The following ST8SIA6 variants were observed in gnomAD, a reference collection of about 807,000 sequenced individuals.
ST8SIA6 encodes the protein ST8 alpha-N-acetyl-neuraminide alpha-2,8-sialyltransferase 6.
In ST8SIA6, 39 loss-of-function variants were observed where a neutral mutation model predicts 33.6. The ratio of observed to expected loss-of-function variants is 1.16; its 90% CI spans 0.90 to 1.52. The LOEUF (loss-of-function observed/expected upper bound fraction) is 1.52. ST8SIA6 is among the 40% of genes most tolerant of loss of function. The probability of loss-of-function intolerance (pLI) is 0.00; values close to 1 mark genes in which losing one functional copy is unlikely to be tolerated. For synonymous variants in ST8SIA6, 172 were observed against 167.2 expected (o/e 1.03, Z -0.22); for missense variants, 441 against 443.8 (o/e 0.99, Z 0.06).
At chr10:17,334,028 T>G (rs1423433418) in intron 4 of ST8SIA6, among the ~76,000 whole-genome samples, 1 of 151,052 alleles carries the variant, frequency 6.6e-6, no homozygotes, top group Non-Finnish European at 1.5e-5. Context: ...GTTTTTTTTT[T>G]TAAATCTCAC....
At chr10:17,367,523 A>G (rs1849593900) in intron 3 of ST8SIA6, among the ~76,000 whole-genome samples, 1 of 152,206 alleles carries the variant, frequency 6.6e-6, no homozygotes, top group African/African-American at 2.4e-5. Flanking sequence ...CTTCACAAAT[A>G]TCTGCAACCT....
At chr10:17,325,261 A>G (rs1372296194) in intron 6 of ST8SIA6, among the ~76,000 whole-genome samples, 1 of 144,644 alleles carries the variant, frequency 6.9e-6, no homozygotes, top group Non-Finnish European at 1.5e-5. Flanking sequence ...ACTATATTAT[A>G]TACTATACAA....
chr10:17,418,820 C>G (rs1048542728), intron 2 of ST8SIA6, among the ~76,000 whole-genome samples: 2 of 151,536 alleles, frequency 1.3e-5, no homozygotes, highest in Non-Finnish European at 2.9e-5. Context: ...TGGCGAAACC[C>G]CGTCTCTACT....
intron 2 of ST8SIA6, among the ~76,000 whole-genome samples, chr10:17,448,508 G>A (rs1009196018): frequency 1.3e-5 from 2 of 152,122 alleles, no homozygotes; most frequent in East Asian, 1.9e-4. Flanking sequence ...TGTGCGGGCC[G>A]TTTCATTAAT....
rs1228292942 is a variant in ST8SIA6, at chr10:17,321,121, T to C, written c.954A>G (p.Ala318=). The change falls in exon 8 of 8, where the codon GCA becomes GCG. Residue 318 remains alanine (A), a synonymous_variant. Transcript: ENST00000377602. ...TCATCAAGCCGGTGGACAAGCGGTA[T>C]GCAGTCACACCTTTAGTTCTCCAGA... The part of the protein sequence containing the change: ...ALFWRTKGVT[A]YRLSTGLMIT... The C allele has an allele frequency of 1.2e-6, 2 of 1,614,004 alleles. No homozygotes were observed. Among genetic ancestry groups the C allele is most frequent in the East Asian group, 2.2e-5 (1 of 44,892 alleles).
intron 2 of ST8SIA6, among the ~76,000 whole-genome samples, chr10:17,438,670 T>C (rs541043943): frequency 7.2e-5 from 11 of 152,310 alleles, no homozygotes; most frequent in African/African-American, 1.9e-4. Flanking sequence ...GCTCTCTTTT[T>C]CCAAAACTCC....
At chr10:17,440,453 GC>G (rs1041980234) in intron 2 of ST8SIA6, among the ~76,000 whole-genome samples, 1 of 152,038 alleles carries the variant, frequency 6.6e-6, no homozygotes, top group African/African-American at 2.4e-5. Context: ...TGATTCACCT[GC>G]CCCGGCCTCC....
Position 17,364,197 on chromosome 10 carries a change from G to T in ST8SIA6, c.291-4597C>A, listed in dbSNP as rs1849485866. On this transcript the variant is annotated intron_variant, in intron 3 of 7. Transcript: ENST00000377602. ...ATCCATGGACAACTGGGAAAAATGT[G>T]CATTGTAGAATATGGATAGTCTTTA... Among the ~76,000 whole-genome samples, 3 of 152,178 alleles carry T rather than the reference G, an allele frequency of 2.0e-5. No homozygotes were observed. In the South Asian group the frequency reaches 6.2e-4, roughly 32 times the overall value.
chr10:17,394,247 G>A (rs536906854), intron 2 of ST8SIA6, among the ~76,000 whole-genome samples: 23 of 151,960 alleles, frequency 1.5e-4, no homozygotes, highest in African/African-American at 4.1e-4. Flanking sequence ...TGAAGGTGAC[G>A]GAATGAAGTC....
Position 17,320,947 on chromosome 10 carries a change from G to T in ST8SIA6, c.1128C>A (p.Tyr376Ter). 6.2e-7 allele frequency: 1 copy of T among 1,614,094 alleles called. No homozygotes were observed. The highest frequency in any genetic ancestry group is 8.5e-7 in the Non-Finnish European group (1 of 1,179,954). ...TCATGTGAAGTTGGAGGATCTGGCT[G>T]TATTCTTTGGGCATCTGATGGAAAC... is the stretch of plus-strand genomic sequence containing the variant. ...KHGFHQMPKE[Y>*]SQILQLHMKG... The change falls in exon 8 of 8, where the codon TAC becomes TAA. Residue 376 changes from tyrosine (Y) to a stop codon, truncating the protein, a stop_gained. Transcript: ENST00000377602. LOFTEE classifies it high-confidence loss of function.
At chr10:17,436,274 G>A (rs1192996482) in intron 2 of ST8SIA6, among the ~76,000 whole-genome samples, 2 of 152,098 alleles carry the variant, frequency 1.3e-5, no homozygotes, top group Non-Finnish European at 2.9e-5. Flanking sequence ...TGTTGTGGGA[G>A]GGTCCCTGGG....
chr10:17,364,801 C>T (rs928984346), intron 3 of ST8SIA6, among the ~76,000 whole-genome samples: 1 of 152,188 alleles, frequency 6.6e-6, no homozygotes, highest in Non-Finnish European at 1.5e-5. Context: ...TAAATCACAT[C>T]ATATTTTCTG....
At chr10:17,336,742 C>T (rs978002064) in intron 4 of ST8SIA6, among the ~76,000 whole-genome samples, 4 of 151,682 alleles carry the variant, frequency 2.6e-5, no homozygotes, top group South Asian at 4.2e-4. Context: ...TACAGGTGCC[C>T]GCCACTACAC....
At chr10:17,360,898 G>A (rs1484506673) in intron 3 of ST8SIA6, among the ~76,000 whole-genome samples, 3 of 148,590 alleles carry the variant, frequency 2.0e-5, no homozygotes, top group Admixed American at 6.7e-5. Context: ...AGAAGATGAC[G>A]AAGAAGAAGA....
intron 2 of ST8SIA6, among the ~76,000 whole-genome samples, chr10:17,396,144 G>A (rs901632529): frequency 1.3e-5 from 2 of 152,132 alleles, no homozygotes; most frequent in African/African-American, 4.8e-5. Context: ...ACATGTCACT[G>A]TGCAAGATTA....
chr10:17,369,543 T>C (rs559305814), intron 3 of ST8SIA6, among the ~76,000 whole-genome samples: 9 of 152,346 alleles, frequency 5.9e-5, no homozygotes, highest in African/African-American at 2.2e-4. Context: ...ATCATCATAG[T>C]CTGTTGTTAC....
At chr10:17,326,737 G>A (rs570785017) in intron 6 of ST8SIA6, among the ~76,000 whole-genome samples, 6 of 152,236 alleles carry the variant, frequency 3.9e-5, no homozygotes, top group African/African-American at 1.2e-4. Flanking sequence ...CGTACTGAAC[G>A]CTCTGAAAGG....
chr10:17,401,983 G>C (rs1284910729), intron 2 of ST8SIA6, among the ~76,000 whole-genome samples: 1 of 152,156 alleles, frequency 6.6e-6, no homozygotes, highest in Non-Finnish European at 1.5e-5. Context: ...ACTACCATCA[G>C]AGTGAAGAGG....
At chr10:17,324,735 A>ACT (rs1310517808) in intron 6 of ST8SIA6, among the ~76,000 whole-genome samples, 1 of 143,144 alleles carries the variant, frequency 7.0e-6, no homozygotes, top group Non-Finnish European at 1.5e-5. Flanking sequence ...ACACACACAC[A>ACT]CACAAACAGT....
Sources: allele counts gnomAD v4.1 joint callset (sites outside exome capture counted in the v4.1 genomes callset), GRCh38; gene constraint gnomAD v4.1.1; transcripts MANE v1.5; gene names NCBI Gene and HGNC (gene_info 2026-07-23, HGNC 2026-07-21).